The following HKDC1 variants were observed in gnomAD, a reference collection of about 807,000 sequenced individuals.
HKDC1 encodes hexokinase domain containing 1.
In HKDC1, 66 loss-of-function variants were observed where a neutral mutation model predicts 96.6. The ratio of observed to expected loss-of-function variants is 0.68; its 90% confidence interval spans 0.56 to 0.84. The LOEUF (loss-of-function observed/expected upper bound fraction) is 0.84, where lower values mean the gene tolerates loss of function less well. Ranked by LOEUF, HKDC1 falls within the 40% of genes least tolerant of loss-of-function variation. HKDC1 has a pLI of 0.00. For missense variants in HKDC1, 1,211 were observed against 1,208.1 expected, an observed-to-expected ratio of 1.00 and a Z score of -0.04; for synonymous variants, 466 against 473.1, an observed-to-expected ratio of 0.98 and a Z score of 0.20.
chr10:69,237,979 C>T (rs1160392942), intron 4 of HKDC1, among the ~76,000 whole-genome samples: 2 of 152,158 alleles, frequency 1.3e-5, no homozygotes, highest in African/African-American at 4.8e-5. Flanking sequence ...ACGACTTGGG[C>T]GATTCTCTTT....
chr10:69,223,308 T>A (rs949051929), intron 1 of HKDC1: 1 of 152,188 alleles, frequency 6.6e-6, no homozygotes, highest in Non-Finnish European at 1.5e-5. Context: ...CACTTTCATA[T>A]TTGCTGGGTG....
chr10:69,251,327 C>T (rs890308058), intron 12 of HKDC1, among the ~76,000 whole-genome samples: 1 of 152,036 alleles, frequency 6.6e-6, no homozygotes, highest in African/African-American at 2.4e-5. Flanking sequence ...AACTCCTGAC[C>T]TCAGGTGATC....
intron 12 of HKDC1, among the ~76,000 whole-genome samples, chr10:69,256,383 C>G (rs1328471156): frequency 6.6e-6 from 1 of 152,164 alleles, no homozygotes; most frequent in Non-Finnish European, 1.5e-5. Flanking sequence ...TGCCTTTGAT[C>G]ACATTGTAAT....
intron 14 of HKDC1, 107 bp from the exon 15 acceptor site, chr10:69,258,669 C>G (rs759824808): frequency 1.3e-5 from 14 of 1,112,608 alleles, no homozygotes; most frequent in Non-Finnish European, 1.8e-5. Flanking sequence ...GAATCGCATC[C>G]AGTTGTATCT....
intron 6 of HKDC1, among the ~76,000 whole-genome samples, 177 bp from the exon 7 acceptor site, chr10:69,243,005 T>C (rs568322125): frequency 6.6e-6 from 1 of 152,348 alleles, no homozygotes; most frequent in East Asian, 1.9e-4. Context: ...ACATGTCAGC[T>C]GTTTTCCCCA....
At chr10:69,250,102 G>A (rs914010999) in intron 10 of HKDC1, among the ~76,000 whole-genome samples, 188 bp from the exon 11 acceptor site, 1 of 152,176 alleles carries the variant, frequency 6.6e-6, no homozygotes, top group Non-Finnish European at 1.5e-5. Context: ...AAGCAGCCTG[G>A]CCTCACGCAG....
intron 12 of HKDC1, among the ~76,000 whole-genome samples, chr10:69,256,003 A>G (rs1263751408): frequency 1.3e-5 from 2 of 152,190 alleles, no homozygotes; most frequent in Non-Finnish European, 1.5e-5. Context: ...ATTAGAAAAT[A>G]TAGACAAACA....
At chr10:69,249,181 T>C (rs1414046734) in intron 10 of HKDC1, among the ~76,000 whole-genome samples, 1 of 152,240 alleles carries the variant, frequency 6.6e-6, no homozygotes, top group Non-Finnish European at 1.5e-5. Flanking sequence ...CTTCTGGTCC[T>C]CGGTGCTCAG....
intron 12 of HKDC1, 105 bp downstream of exon 12, chr10:69,250,757 T>G (rs1843629540): frequency 7.8e-7 from 1 of 1,288,036 alleles, no homozygotes; most frequent in Non-Finnish European, 1.1e-6. Context: ...ACAGGGATCT[T>G]GGGTTCAGGG....
In HKDC1 at chr10:69,246,151, T is replaced by C. The variant is rs760716580; in HGVS notation, c.948T>C (p.Ala316=). 6 of 1,614,142 alleles carry C rather than the reference T, an allele frequency of 3.7e-6. No homozygotes were observed. The highest frequency in any genetic ancestry group is 4.2e-6 in the Non-Finnish European group (5 of 1,180,062). ...VRLILLKMAK[A]GLLFGGEKSS... Reference sequence around the variant, plus strand: ...TTATCTTGCTGAAGATGGCCAAGGCTGGCCTCCTGTTTGGTGGTGAGAAAT... The same window carrying C: ...TTATCTTGCTGAAGATGGCCAAGGCCGGCCTCCTGTTTGGTGGTGAGAAAT... The change falls in exon 8 of 18, where the codon GCT becomes GCC. Residue 316 remains alanine, a synonymous_variant. Coordinates refer to ENST00000354624, the MANE Select transcript of HKDC1 (RefSeq NM_025130.4).
rs1319773644 is a variant in HKDC1, at chr10:69,227,317, G to A, written c.174G>A (p.Thr58=). 27 of 1,614,066 alleles carry A rather than the reference G, an allele frequency of 1.7e-5. No individual in the cohort carries two copies. The highest frequency in any genetic ancestry group is 6.7e-5 in the East Asian group (3 of 44,900). Residue 58 remains threonine, a synonymous_variant, in exon 2 of 18, where the codon ACG becomes ACA. Transcript: ENST00000354624. ...GCCTGGCAAAGGACACCAACCCCAC[G>A]GCTGCAGTGAAGATGTTGCCCACCT... ...EKGLAKDTNP[T]AAVKMLPTFV... is the part of the protein sequence containing the mutation.
intron 2 of HKDC1, chr10:69,232,546 G>A (rs559867049): frequency 2.3e-4 from 131 of 574,824 alleles, no homozygotes; most frequent in African/African-American, 2.1e-3. Context: ...GTTGGGCTCA[G>A]GCTGCAGAGT....
At chr10:69,247,108 G>C (rs937957971) in intron 8 of HKDC1, among the ~76,000 whole-genome samples, 1 of 152,242 alleles carries the variant, frequency 6.6e-6, no homozygotes, top group South Asian at 2.1e-4. Context: ...GGTAATGACG[G>C]TGCCTCCCGC....
intron 16 of HKDC1, 87 bp downstream of exon 16, chr10:69,261,381 A>T (rs921583101): frequency 1.5e-5 from 20 of 1,344,686 alleles, no homozygotes; most frequent in Non-Finnish European, 2.0e-5. Context: ...GTTTAAAAAT[A>T]AAAACAGAAA....
chr10:69,230,595 C>T, intron 2 of HKDC1, among the ~76,000 whole-genome samples: 1 of 152,172 alleles, frequency 6.6e-6, no homozygotes, highest in East Asian at 1.9e-4. Context: ...GCAATTTACC[C>T]CGCTTAGGAC....
intron 4 of HKDC1, among the ~76,000 whole-genome samples, chr10:69,237,541 C>A (rs1843381815): frequency 6.6e-6 from 1 of 152,056 alleles, no homozygotes; most frequent in Admixed American, 6.6e-5. Context: ...ATTCTAGTCA[C>A]CAAATATTTG....
At chr10:69,254,424 A>G (rs1843690192) in intron 12 of HKDC1, among the ~76,000 whole-genome samples, 1 of 152,182 alleles carries the variant, frequency 6.6e-6, no homozygotes, top group African/African-American at 2.4e-5. Flanking sequence ...ATACATCCAC[A>G]TTTTTGTGCA....
At position 69,257,260 on chromosome 10, in the gene HKDC1, C is replaced by T. The variant is rs1283859647; in HGVS notation, c.1933-67C>T. ...CTTGGGATAACATGCCCCTCCTAAA[C>T]CTGTTTGGCTTGCACATTCAACTCA... is the stretch of plus-strand genomic sequence containing the variant. On this transcript the variant is annotated intron_variant, in intron 13 of 17. Coordinates refer to ENST00000354624, the MANE Select transcript of HKDC1 (RefSeq NM_025130.4). 1.5e-5 allele frequency: 22 copies of T among 1,498,290 alleles called. No individual in the cohort carries two copies. The East Asian group carries it at 2.9e-4, about 20-fold the overall frequency. The allele number at this position is 1,498,290 out of a possible 1,614,324, so 92.8% of individuals were successfully genotyped here.
At position 69,220,822 on chromosome 10, in the gene HKDC1, G is replaced by A. The variant is rs374113150; in HGVS notation, c.63+324G>A. 6.7e-4 allele frequency among the ~76,000 whole-genome samples: 102 copies of A among 152,302 alleles called. No homozygotes were observed. In the Middle Eastern group the frequency reaches 0.014, roughly 20 times the overall value. ...GTTTGCTCGGAAAGGCCACAAAGGC[G>A]AGGAGAATCATTTTCAAAGAAGTTT... On this transcript the variant is annotated intron_variant, in intron 1 of 17. Transcript: ENST00000354624.
Sources: gnomAD v4.1 joint callset for allele counts (sites outside exome capture counted in the v4.1 genomes callset) on GRCh38, gnomAD v4.1.1 for gene constraint, MANE v1.5 for transcripts, NCBI Gene and HGNC (gene_info 2026-07-23, HGNC 2026-07-21) for gene names.